Variants in ARK2C observed in about 807,000 individuals in gnomAD.
The protein encoded by ARK2C is E3 ubiquitin-protein ligase ARK2C.
the ARK2C span, among the ~76,000 whole-genome samples, chr18:46,413,776 G>A: frequency 2.0e-5 from 3 of 152,062 alleles, no homozygotes; most frequent in Admixed American, 6.5e-5. Context: ...ACATATGCAC[G>A]TGGTAAGAAT....
the ARK2C span, among the ~76,000 whole-genome samples, chr18:46,379,041 G>T: frequency 6.6e-6 from 1 of 152,220 alleles, no homozygotes; most frequent in Non-Finnish European, 1.5e-5. Context: ...GCACCAGAGG[G>T]CATCAGCCAG....
the ARK2C span, among the ~76,000 whole-genome samples, chr18:46,427,045 C>A: frequency 6.6e-6 from 1 of 152,208 alleles, no homozygotes; most frequent in Non-Finnish European, 1.5e-5. Flanking sequence ...CTGTTACAGA[C>A]CCTACATGAT....
the ARK2C span, among the ~76,000 whole-genome samples, chr18:46,399,467 G>T: frequency 1.3e-5 from 2 of 152,240 alleles, no homozygotes; most frequent in Non-Finnish European, 2.9e-5. Flanking sequence ...GTGACCTCCT[G>T]TGAGGAGCCG....
chr18:46,386,990 A>G, the ARK2C span: 2 of 152,268 alleles, frequency 1.3e-5, no homozygotes, highest in African/African-American at 4.8e-5. Flanking sequence ...CCGCTGCTGA[A>G]CCAGGCACTT....
the ARK2C span, among the ~76,000 whole-genome samples, chr18:46,347,458 G>C: frequency 6.6e-6 from 1 of 152,164 alleles, no homozygotes; most frequent in Non-Finnish European, 1.5e-5. Flanking sequence ...CCTGGAAAGA[G>C]AGTCACGTGG....
chr18:46,452,529 C>A, the ARK2C span, among the ~76,000 whole-genome samples: 4 of 152,174 alleles, frequency 2.6e-5, no homozygotes, highest in African/African-American at 4.8e-5. Context: ...ATCCACCCAC[C>A]TTGGCCTCCA....
the ARK2C span, among the ~76,000 whole-genome samples, chr18:46,436,901 A>G: frequency 6.6e-6 from 1 of 152,248 alleles, no homozygotes; most frequent in African/African-American, 2.4e-5. Context: ...GGGCCCTTGC[A>G]TATGGCTGAG....
chr18:46,388,780 T>C, the ARK2C span, among the ~76,000 whole-genome samples: 1 of 151,696 alleles, frequency 6.6e-6, no homozygotes, highest in African/African-American at 2.4e-5. Context: ...ATTTCCCGAG[T>C]GAGGGGTAAA....
the ARK2C span, among the ~76,000 whole-genome samples, chr18:46,379,995 G>T: frequency 1.3e-5 from 2 of 152,202 alleles, no homozygotes; most frequent in African/African-American, 4.8e-5. Flanking sequence ...AGGCTCCAAA[G>T]GCAGAGGCCA....
At chr18:46,343,038 C>T in the ARK2C span, among the ~76,000 whole-genome samples, 1 of 152,156 alleles carries the variant, frequency 6.6e-6, no homozygotes, top group Non-Finnish European at 1.5e-5. Flanking sequence ...ACATAATATT[C>T]CACTTGAATA....
the ARK2C span, among the ~76,000 whole-genome samples, chr18:46,451,670 T>G: frequency 1.3e-5 from 2 of 152,218 alleles, no homozygotes; most frequent in East Asian, 3.9e-4. Context: ...AAGTTCATGG[T>G]GGTATGAACT....
the ARK2C span, among the ~76,000 whole-genome samples, chr18:46,370,967 G>A: frequency 1.3e-5 from 2 of 152,158 alleles, no homozygotes; most frequent in African/African-American, 2.4e-5. Flanking sequence ...AGACGTACGC[G>A]ACACTGGGTA....
chr18:46,435,356 C>T, the ARK2C span: 89 of 1,614,046 alleles, frequency 5.5e-5, no homozygotes, highest in Non-Finnish European at 7.2e-5. Context: ...CGGCCAACTG[C>T]AGACACCTCA....
chr18:46,369,875 T>C, the ARK2C span, among the ~76,000 whole-genome samples: 3 of 152,168 alleles, frequency 2.0e-5, no homozygotes, highest in Non-Finnish European at 4.4e-5. Context: ...CCGGGGCCCG[T>C]TGGGCCCATC....
the ARK2C span, among the ~76,000 whole-genome samples, chr18:46,343,807 C>T: frequency 3.9e-5 from 6 of 152,212 alleles, no homozygotes; most frequent in East Asian, 9.6e-4. Context: ...CCAGGTCATA[C>T]CATGCAGTAG....
At chr18:46,380,444 A>G in the ARK2C span, among the ~76,000 whole-genome samples, 1 of 152,244 alleles carries the variant, frequency 6.6e-6, no homozygotes, top group Non-Finnish European at 1.5e-5. Context: ...TAACAACATC[A>G]AGAACAAAGC....
the ARK2C span, among the ~76,000 whole-genome samples, chr18:46,432,053 C>G: frequency 6.6e-6 from 1 of 152,120 alleles, no homozygotes; most frequent in South Asian, 2.1e-4. Context: ...TTCCTTTGTT[C>G]TCATTTTAGT....
chr18:46,453,495 G>A, the ARK2C span, among the ~76,000 whole-genome samples: 1 of 151,514 alleles, frequency 6.6e-6, no homozygotes, highest in Non-Finnish European at 1.5e-5. Flanking sequence ...TAAAGGGCTC[G>A]GGTAAAAAGG....
the ARK2C span, among the ~76,000 whole-genome samples, chr18:46,394,906 C>T: frequency 6.6e-6 from 1 of 152,204 alleles, no homozygotes; most frequent in Admixed American, 6.5e-5. Context: ...CTCTGCAAAC[C>T]TGGAACATTT....
Sources: allele counts gnomAD v4.1 joint callset (sites outside exome capture counted in the v4.1 genomes callset), GRCh38; gene constraint gnomAD v4.1.1; transcripts MANE v1.5; gene names NCBI Gene and HGNC (gene_info 2026-07-23, HGNC 2026-07-21).